Variants in EMILIN2 observed in about 807,000 individuals in gnomAD.
EMILIN2 encodes the protein EMILIN-2.
In EMILIN2, 71 loss-of-function variants were observed where a neutral mutation model predicts 87.1. The observed-to-expected ratio is 0.82, with a 90% confidence interval of 0.67 to 0.99. EMILIN2 has a LOEUF of 0.99. Ranked by LOEUF, EMILIN2 falls within the 50% of genes least tolerant of loss-of-function variation. The pLI, the probability that EMILIN2 is intolerant of heterozygous loss-of-function variation, is 0.00. For synonymous variants in EMILIN2, 581 were observed against 563.4 expected (o/e 1.03, Z -0.44); for missense variants, 1,407 against 1,371.8 (o/e 1.03, Z -0.40).
chr18:2,913,245 C>T lies in EMILIN2; in HGVS notation c.3003C>T (p.Thr1001=), dbSNP rs1317143813. 1.2e-6 allele frequency: 2 copies of T among 1,613,962 alleles called. No individual in the cohort carries two copies. The highest frequency in any genetic ancestry group is 1.7e-6 in the Non-Finnish European group (2 of 1,179,994). Reference sequence around the variant, plus strand: ...ACCGCCCTCCAGGAGCTTTGCATACCTGCGGGGGCCCGGGGGCATTCCACC... The same window carrying T: ...ACCGCCCTCCAGGAGCTTTGCATACTTGCGGGGGCCCGGGGGCATTCCACC... ...EYHRPPGALH[T]CGGPGAFHLI... The change falls in exon 8 of 8, where the codon ACC becomes ACT. Residue 1001 remains threonine (T), a synonymous_variant. Coordinates refer to ENST00000254528, the MANE Select transcript of EMILIN2 (RefSeq NM_032048.3).
intron 3 of EMILIN2, among the ~76,000 whole-genome samples, chr18:2,887,249 A>T (rs1433073889): frequency 1.3e-5 from 2 of 152,110 alleles, no homozygotes. Context: ...TTTGTGTGTG[A>T]CTTGAGTAGG....
Position 2,913,595 on chromosome 18 carries a change from G to A in EMILIN2, c.*191G>A, listed in dbSNP as rs112072041. The A allele has an allele frequency of 1.2e-3, 677 of 559,490 alleles. 5 individuals are homozygous for A. The highest frequency in any genetic ancestry group is 0.012 in the African/African-American group (622 of 52,308). The allele number at this position is 559,490 out of a possible 1,614,324, so 34.7% of individuals were successfully genotyped here. A position where few individuals can be genotyped will look rare whatever the true frequency, so the allele number is the denominator to read the frequency against. ...CCAGGCTGCAGGGAGTGAGGCACAC[G>A]GTGAACATGGCCACTGACTTTTCTG... On this transcript the variant is annotated 3_prime_UTR_variant, in exon 8 of 8. Coordinates refer to ENST00000254528, the MANE Select transcript of EMILIN2 (RefSeq NM_032048.3).
chr18:2,883,114 C>T (rs547462268), intron 2 of EMILIN2, among the ~76,000 whole-genome samples: 1 of 152,148 alleles, frequency 6.6e-6, no homozygotes, highest in South Asian at 2.1e-4. Flanking sequence ...ATGGGCTTGG[C>T]GGGTCCTAGC....
chr18:2,851,266 T>C (rs1306383925), intron 2 of EMILIN2, among the ~76,000 whole-genome samples: 1 of 150,622 alleles, frequency 6.6e-6, no homozygotes, highest in African/African-American at 2.5e-5. Context: ...AGTGTGACCC[T>C]ATCACTATAA....
intron 2 of EMILIN2, among the ~76,000 whole-genome samples, chr18:2,853,399 G>A (rs912423415): frequency 4.6e-5 from 7 of 152,154 alleles, no homozygotes; most frequent in African/African-American, 1.7e-4. Flanking sequence ...CTGTAAAAGT[G>A]CAGAGGTTCT....
chr18:2,906,997 C>A lies in EMILIN2; in HGVS notation c.2574C>A (p.Gly858=). 7.3e-7 allele frequency: 1 copy of A among 1,368,056 alleles called. No individual in the cohort carries two copies. The highest frequency in any genetic ancestry group is 1.7e-5 in the South Asian group (1 of 58,054). 84.7% of individuals were successfully genotyped at this position (1,368,056 alleles called of 1,614,324 possible). ...TGQAGPPAGA[G]VSGRGLPRGV... is the part of the protein sequence containing the mutation. ...AGGCCGGGCCCCCCGCAGGCGCAGG[C>A]GTGTCTGGGCGGGGTCTGCCGCGGG... Residue 858 remains glycine (G), a synonymous_variant, in exon 5 of 8, where the codon GGC becomes GGA. Transcript: ENST00000254528.
chr18:2,866,559 CTT>C (rs2076687652), intron 2 of EMILIN2, among the ~76,000 whole-genome samples: 1 of 152,162 alleles, frequency 6.6e-6, no homozygotes, highest in Non-Finnish European at 1.5e-5. Context: ...TATCTTGAAA[CTT>C]TGCTGAATTC....
At chr18:2,904,596 T>C (rs668757) in intron 4 of EMILIN2, among the ~76,000 whole-genome samples, 72,404 of 151,798 alleles carry the variant, frequency 0.48, 19,751 homozygotes, top group South Asian at 0.62. Context: ...TCACCCTTAT[T>C]CTCTGACTAT....
Position 2,913,648 on chromosome 18 carries a change from T to A in EMILIN2, c.*244T>A. 2.1e-6 allele frequency: 1 copy of A among 479,946 alleles called. No homozygotes were observed. The highest frequency in any genetic ancestry group is 3.7e-6 in the Non-Finnish European group (1 of 270,910). 29.7% of individuals were successfully genotyped at this position (479,946 alleles called of 1,614,324 possible). On this transcript the variant is annotated 3_prime_UTR_variant, in exon 8 of 8. Transcript: ENST00000254528. ...ACTCTAACTGGACAACTGGAAGACTTGGAAAGGCCTCCACCTGTATCTACA... is the reference window on the plus strand; with the variant it reads ...ACTCTAACTGGACAACTGGAAGACTAGGAAAGGCCTCCACCTGTATCTACA...
chr18:2,888,866 ATAAT>A (rs2076816550), intron 3 of EMILIN2, among the ~76,000 whole-genome samples: 1 of 148,254 alleles, frequency 6.7e-6, no homozygotes, highest in Non-Finnish European at 1.5e-5. Context: ...ATTTTAATAA[ATAAT>A]AGCTGCTATT....
chr18:2,906,642 C>A, intron 4 of EMILIN2, 141 bp from the exon 5 acceptor site: 1 of 650,770 alleles, frequency 1.5e-6, no homozygotes, highest in Non-Finnish European at 2.2e-6. Context: ...CCGTGTGTCC[C>A]GCTGGCCTGA....
At chr18:2,851,696 G>A (rs1447443169) in intron 2 of EMILIN2, among the ~76,000 whole-genome samples, 1 of 152,186 alleles carries the variant, frequency 6.6e-6, no homozygotes, top group Admixed American at 6.5e-5. Context: ...AAAAGCCTTA[G>A]ATTCCAGATT....
intron 7 of EMILIN2, among the ~76,000 whole-genome samples, chr18:2,912,761 G>C (rs899315757): frequency 6.6e-6 from 1 of 152,172 alleles, no homozygotes; most frequent in African/African-American, 2.4e-5. Flanking sequence ...CTGCCTCCCG[G>C]GTATTCTGCC....
In EMILIN2 at chr18:2,906,896, G is replaced by A; in HGVS notation, c.2473G>A (p.Val825Ile). 7.2e-7 allele frequency: 1 copy of A among 1,393,722 alleles called. No homozygotes were observed. Among genetic ancestry groups the A allele is most frequent in the South Asian group, 1.5e-5 (1 of 64,908 alleles). 86.3% of individuals were successfully genotyped at this position (1,393,722 alleles called of 1,614,324 possible). Residue 825 changes from valine to isoleucine, a missense_variant, in exon 5 of 8, where the codon GTC becomes ATC. Transcript: ENST00000254528. Reference sequence around the variant, plus strand: ...CGCAGAGGACCCTGGGCGACGGCCCGTCCTGCCCCAGCGGCCCCCCGAGGA... The same window carrying A: ...CGCAGAGGACCCTGGGCGACGGCCCATCCTGCCCCAGCGGCCCCCCGAGGA... ...ATAEDPGRRP[V>I]LPQRPPEERP...
At position 2,880,577 on chromosome 18, in the gene EMILIN2, G is replaced by C. The variant is rs1195199001; in HGVS notation, c.258-4387G>C. Among the ~76,000 whole-genome samples, 7 of 152,202 alleles carry C rather than the reference G, an allele frequency of 4.6e-5. No individual in the cohort carries two copies. The highest frequency in any genetic ancestry group is 7.3e-5 in the Non-Finnish European group (5 of 68,042). ...ACAGTCACAGCCGAGGCTGGGAAGG[G>C]AGCCAGGGCTGCAGCCGAGTCCGCC... On this transcript the variant is annotated intron_variant, in intron 2 of 7. Coordinates refer to ENST00000254528, the MANE Select transcript of EMILIN2 (RefSeq NM_032048.3). This position sits in a 1 kb window ranked among gnomAD's most constrained non-coding sequence, Gnocchi z 4.1.
intron 2 of EMILIN2, among the ~76,000 whole-genome samples, chr18:2,859,900 G>A (rs1047112676): frequency 2.6e-4 from 39 of 152,182 alleles, no homozygotes; most frequent in African/African-American, 8.9e-4. Flanking sequence ...GTTTATACCT[G>A]GGTTCTCTAT....
At chr18:2,910,716 T>G (rs2076936697) in intron 7 of EMILIN2, among the ~76,000 whole-genome samples, 1 of 152,138 alleles carries the variant, frequency 6.6e-6, no homozygotes, top group Non-Finnish European at 1.5e-5. Flanking sequence ...TTGGTTTCCT[T>G]CTTGGTAGTT....
rs73373271 is a variant in EMILIN2 at position 2,896,622 on chromosome 18, G to A, written c.2359+4136G>A. Reference sequence around the variant, plus strand: ...CCCAGGTAGCTAGTACTACTGGCACGTGCCATCGCACCCAGCTAATTTTTT... The same window carrying A: ...CCCAGGTAGCTAGTACTACTGGCACATGCCATCGCACCCAGCTAATTTTTT... On this transcript the variant is annotated intron_variant, in intron 4 of 7. Coordinates refer to ENST00000254528, the MANE Select transcript of EMILIN2 (RefSeq NM_032048.3). Among the ~76,000 whole-genome samples, 320 of 152,112 alleles carry A rather than the reference G, an allele frequency of 2.1e-3. 1 individual carries two copies. The highest frequency in any genetic ancestry group is 7.4e-3 in the African/African-American group (305 of 41,446).
chr18:2,871,128 T>A (rs1023979061), intron 2 of EMILIN2, among the ~76,000 whole-genome samples: 8 of 152,136 alleles, frequency 5.3e-5, no homozygotes, highest in African/African-American at 1.7e-4. Context: ...CCAAAATATC[T>A]TTCTGGGGGG....
Sources: gnomAD v4.1 joint callset for allele counts (sites outside exome capture counted in the v4.1 genomes callset) on GRCh38, gnomAD v4.1.1 for gene constraint, Gnocchi (gnomAD v3.1) non-coding constraint, MANE v1.5 for transcripts, NCBI Gene and HGNC (gene_info 2026-07-23, HGNC 2026-07-21) for gene names.